The following LCN10 variants were observed in gnomAD, a reference collection of about 807,000 sequenced individuals.
The protein encoded by LCN10 is epididymal-specific lipocalin-10.
In LCN10, 18 loss-of-function variants were observed where a neutral mutation model predicts 25.1. That is an observed-to-expected ratio of 0.72 (90% CI 0.50 to 1.06). LCN10 has a LOEUF of 1.06. Among genes scored for constraint, LCN10 ranks in the 50% least tolerant of loss-of-function variants. The probability of loss-of-function intolerance (pLI) is 0.00; values close to 1 mark genes in which losing one functional copy is unlikely to be tolerated. For synonymous variants in LCN10, 130 were observed against 116.7 expected, an observed-to-expected ratio of 1.11 and a Z score of -0.73; for missense variants, 257 against 258.9, an observed-to-expected ratio of 0.99 and a Z score of 0.05.
In LCN10 at chr9:136,739,929, A is replaced by G; in HGVS notation, c.574+21T>C. ...CGGGCAGGTAGGGCCAGGAGGGCAA[A>G]GGGCTGAGGGCACAGCTTACCGTCT... On this transcript the variant is annotated intron_variant, in intron 5 of 5. Transcript: ENST00000497771. This position sits in a 1 kb window ranked among gnomAD's most constrained non-coding sequence, Gnocchi z 6.1. 1.3e-6 allele frequency: 2 copies of G among 1,561,304 alleles called. No individual in the cohort carries two copies. Among genetic ancestry groups the G allele is most frequent in the South Asian group, 1.2e-5 (1 of 84,998 alleles).
At position 136,740,769 on chromosome 9, in the gene LCN10, C is replaced by G; in HGVS notation, c.475+67G>C. 7.6e-7 allele frequency: 1 copy of G among 1,314,132 alleles called. No individual in the cohort carries two copies. Among genetic ancestry groups the G allele is most frequent in the Non-Finnish European group, 1.1e-6 (1 of 945,036 alleles). 81.4% of individuals were successfully genotyped at this position (1,314,132 alleles called of 1,614,324 possible). On this transcript the variant is annotated intron_variant, in intron 4 of 5. Transcript: ENST00000497771. This position sits in a 1 kb window ranked among gnomAD's most constrained non-coding sequence, Gnocchi z 5.3. ...CACCTCCTGCCCGGCCCCCTGTGCC[C>G]AGCGCCCCTCTATGCCTCCCTCTGC... is the stretch of plus-strand genomic sequence containing the variant.
chr9:136,738,475 C>T lies in LCN10; in HGVS notation c.*1050G>A, dbSNP rs984158665. Reference sequence around the variant, plus strand: ...TCGGGCCAGAAGGAGGGGCTGACCCCTTACCCCGTCATGGCTGAGGACTCG... The same window carrying T: ...TCGGGCCAGAAGGAGGGGCTGACCCTTTACCCCGTCATGGCTGAGGACTCG... On this transcript the variant is annotated 3_prime_UTR_variant, in exon 6 of 6. Transcript: ENST00000497771. The T allele has an allele frequency of 6.6e-6, 1 of 152,272 alleles. No individual in the cohort carries two copies. Among genetic ancestry groups the T allele is most frequent in the African/African-American group, 2.4e-5 (1 of 41,456 alleles). 9.4% of individuals were successfully genotyped at this position (152,272 alleles called of 1,614,324 possible). A position where few individuals can be genotyped will look rare whatever the true frequency, so the allele number is the denominator to read the frequency against.
chr9:136,741,496 C>T, intron 2 of LCN10, 135 bp from the exon 3 acceptor site: 1 of 672,494 alleles, frequency 1.5e-6, no homozygotes, highest in South Asian at 1.8e-5. Flanking sequence ...CCCCAGGTCC[C>T]CAGTTTTTTG....
rs1846912539 is a variant in LCN10, at chr9:136,740,710, C to G, written c.475+126G>C. ...TCGGCTTCCATTGCCCCTGCCCTGA[C>G]CACCGCCCCAACCCCCACTCTCCCT... On this transcript the variant is annotated intron_variant, in intron 4 of 5. Coordinates refer to ENST00000497771, the MANE Select transcript of LCN10 (RefSeq NM_001001712.3). This position sits in a 1 kb window ranked among gnomAD's most constrained non-coding sequence, Gnocchi z 5.3. 2 of 696,600 alleles carry G rather than the reference C, an allele frequency of 2.9e-6. No individual in the cohort carries two copies. Among genetic ancestry groups the G allele is most frequent in the Non-Finnish European group, 4.8e-6 (2 of 414,848 alleles). 43.2% of individuals were successfully genotyped at this position (696,600 alleles called of 1,614,324 possible). A position where few individuals can be genotyped will look rare whatever the true frequency, so the allele number is the denominator to read the frequency against.
Position 136,740,747 on chromosome 9 carries a change from C to CACCAGGG in LCN10, c.475+88_475+89insCCCTGGT. The CACCAGGG allele has an allele frequency of 2.0e-6, 2 of 1,003,562 alleles. No homozygotes were observed. The highest frequency in any genetic ancestry group is 2.6e-5 in the East Asian group (1 of 38,650). 62.2% of individuals were successfully genotyped at this position (1,003,562 alleles called of 1,614,324 possible). ...CCCCCACTCTCCCTGCCCGCCTCACCTCCTGCCCGGCCCCCTGTGCCCAGC... is the reference window on the plus strand; with the variant it reads ...CCCCCACTCTCCCTGCCCGCCTCACCACCAGGGTCCTGCCCGGCCCCCTGTGCCCAGC... On this transcript the variant is annotated intron_variant, in intron 4 of 5. Coordinates refer to ENST00000497771, the MANE Select transcript of LCN10 (RefSeq NM_001001712.3). The surrounding 1 kb of genome is among the most constrained non-coding windows in gnomAD (Gnocchi z 5.3).
In LCN10 at chr9:136,742,874, C is replaced by T. The variant is rs762920275; in HGVS notation, c.30G>A (p.Leu10=). 8.1e-6 allele frequency: 13 copies of T among 1,613,540 alleles called. No homozygotes were observed. In the South Asian group the frequency reaches 1.2e-4, roughly 15 times the overall value. The stretch of plus-strand genomic sequence containing the variant: ...CCAGCACTAGCACCAGCACCAGCAC[C>T]AGCGCCAGCACCAGCAGCCCCTGCC... MRQGLLVLA[L]VLVLVLVLAA... Residue 10 remains leucine, a synonymous_variant, in exon 1 of 6, where the codon CTG becomes CTA. Transcript: ENST00000497771.
In LCN10 at chr9:136,739,973, G is replaced by C; in HGVS notation, c.551C>G (p.Ala184Gly). ...ACCGTCTTTCGGGAGGATGACGGCGGCCTTGGAGAGCCCCAGAATGTCACA... is the reference window on the plus strand; with the variant it reads ...ACCGTCTTTCGGGAGGATGACGGCGCCCTTGGAGAGCCCCAGAATGTCACA... ...DACDILGLSK[A>G]AVILPKDASR... The change falls in exon 5 of 6, where the codon GCC becomes GGC. Residue 184 changes from alanine to glycine, a missense_variant. By Grantham distance (60) the Ala-to-Gly change is moderately conservative. Transcript: ENST00000497771. This position sits in a 1 kb window ranked among gnomAD's most constrained non-coding sequence, Gnocchi z 6.1. The C allele has an allele frequency of 6.3e-7, 1 of 1,591,502 alleles. No individual in the cohort carries two copies. The highest frequency in any genetic ancestry group is 8.6e-7 in the Non-Finnish European group (1 of 1,168,936).
Position 136,739,120 on chromosome 9 carries a change from G to C in LCN10, c.*405C>G, listed in dbSNP as rs1199301255. ...CGTCATGGGGGCTCCTCCATGTTGGGTGGATATGCGAACGGCTTCCTGAGA... is the reference window on the plus strand; with the variant it reads ...CGTCATGGGGGCTCCTCCATGTTGGCTGGATATGCGAACGGCTTCCTGAGA... On this transcript the variant is annotated 3_prime_UTR_variant, in exon 6 of 6. Transcript: ENST00000497771. The surrounding 1 kb of genome is among the most constrained non-coding windows in gnomAD (Gnocchi z 6.1). 4.3e-6 allele frequency: 1 copy of C among 231,932 alleles called. No homozygotes were observed. The highest frequency in any genetic ancestry group is 2.3e-5 in the African/African-American group (1 of 43,862). 14.4% of individuals were successfully genotyped at this position (231,932 alleles called of 1,614,324 possible).
chr9:136,742,118 T>G, intron 1 of LCN10, 98 bp from the exon 2 acceptor site: 5 of 1,469,454 alleles, frequency 3.4e-6, no homozygotes, highest in East Asian at 2.4e-5. Flanking sequence ...CAAATGACCC[T>G]TCTGTGAGCC....
chr9:136,738,790 CA>C lies in LCN10; in HGVS notation c.*734del, dbSNP rs1846872198. On this transcript the variant is annotated 3_prime_UTR_variant, in exon 6 of 6. Coordinates refer to ENST00000497771, the MANE Select transcript of LCN10 (RefSeq NM_001001712.3). ...GGATGCACCCCTGCTCCTCCAGCCC[CA>C]CCCAAACTGACTTAACACCCACCAC... 1 of 152,336 alleles carries C rather than the reference CA, an allele frequency of 6.6e-6. No homozygotes were observed. Among genetic ancestry groups the C allele is most frequent in the African/African-American group, 2.4e-5 (1 of 41,444 alleles). The allele number at this position is 152,336 out of a possible 1,614,324, so 9.4% of individuals were successfully genotyped here.
Position 136,739,595 on chromosome 9 carries a change from G to C in LCN10, c.575-42C>G, listed in dbSNP as rs1052353689. Reference sequence around the variant, plus strand: ...CAGCCACATGTGGGCTGGCTGCTTGGAGGAGACACATGAGCCGTGAACACG... The same window carrying C: ...CAGCCACATGTGGGCTGGCTGCTTGCAGGAGACACATGAGCCGTGAACACG... On this transcript the variant is annotated intron_variant, in intron 5 of 5. Coordinates refer to ENST00000497771, the MANE Select transcript of LCN10 (RefSeq NM_001001712.3). The surrounding 1 kb of genome is among the most constrained non-coding windows in gnomAD (Gnocchi z 6.1). 1.3e-6 allele frequency: 2 copies of C among 1,577,612 alleles called. No homozygotes were observed. Among genetic ancestry groups the C allele is most frequent in the African/African-American group, 2.7e-5 (2 of 74,142 alleles).
chr9:136,742,625 G>T, intron 1 of LCN10, 162 bp downstream of exon 1: 1 of 878,236 alleles, frequency 1.1e-6, no homozygotes, highest in Non-Finnish European at 1.7e-6. Flanking sequence ...AACTTGCGGG[G>T]CCCCTGTGCT....
chr9:136,742,412 C>T, intron 1 of LCN10: 1 of 407,928 alleles, frequency 2.5e-6, no homozygotes, highest in Middle Eastern at 6.9e-4. Context: ...CACCGCCGTG[C>T]CAATGAGTGC....
At position 136,739,600 on chromosome 9, in the gene LCN10, G is replaced by A. The variant is rs771143479; in HGVS notation, c.575-47C>T. 5 of 1,567,752 alleles carry A rather than the reference G, an allele frequency of 3.2e-6. No homozygotes were observed. The South Asian group carries it at 3.5e-5, about 11-fold the overall frequency. On this transcript the variant is annotated intron_variant, in intron 5 of 5. Transcript: ENST00000497771. This position sits in a 1 kb window ranked among gnomAD's most constrained non-coding sequence, Gnocchi z 6.1. ...ACATGTGGGCTGGCTGCTTGGAGGA[G>A]ACACATGAGCCGTGAACACGTCTCC...
chr9:136,741,124 G>T, intron 3 of LCN10, 128 bp downstream of exon 3: 1 of 1,022,522 alleles, frequency 9.8e-7, no homozygotes, highest in Non-Finnish European at 1.5e-6. Context: ...ATGACGTGTG[G>T]GCTCTGGGAA....
chr9:136,741,986 G>A lies in LCN10; in HGVS notation c.152C>T (p.Thr51Ile), dbSNP rs1846946756. The change falls in exon 2 of 6, where the codon ACT (threonine) becomes ATT (isoleucine). Residue 51 changes from threonine to isoleucine, a missense_variant. Coordinates refer to ENST00000497771, the MANE Select transcript of LCN10 (RefSeq NM_001001712.3). Reference protein sequence around the residue: ...SGFWYILATATDAQGFLPARD... With the variant: ...SGFWYILATAIDAQGFLPARD... Reference sequence around the variant, plus strand: ...GGCCGGCAAGAATCCCTGGGCATCAGTGGCAGTGGCCAGAATGTACCAGAA... The same window carrying A: ...GGCCGGCAAGAATCCCTGGGCATCAATGGCAGTGGCCAGAATGTACCAGAA... 6.2e-7 allele frequency: 1 copy of A among 1,613,002 alleles called. No individual in the cohort carries two copies. Among genetic ancestry groups the A allele is most frequent in the Non-Finnish European group, 8.5e-7 (1 of 1,179,726 alleles).
rs535928079 is a variant in LCN10 at position 136,739,166 on chromosome 9, C to T, written c.*359G>A. 28 of 279,436 alleles carry T rather than the reference C, an allele frequency of 1.0e-4. No individual in the cohort carries two copies. The highest frequency in any genetic ancestry group is 1.4e-4 in the Admixed American group (3 of 21,620). The allele number at this position is 279,436 out of a possible 1,614,324, so 17.3% of individuals were successfully genotyped here. ...TGAGAAAGTGCAGGATGTAAAGGAA[C>T]GCGGAGGGTGGCGGCGGCGTGGAGG... On this transcript the variant is annotated 3_prime_UTR_variant, in exon 6 of 6. Transcript: ENST00000497771. This position sits in a 1 kb window ranked among gnomAD's most constrained non-coding sequence, Gnocchi z 6.1.
At chr9:136,742,756 C>A (rs546529777) in intron 1 of LCN10, 31 bp downstream of exon 1, 3 of 1,610,854 alleles carry the variant, frequency 1.9e-6, no homozygotes, top group Admixed American at 1.7e-5. Context: ...GAGCCGGCGC[C>A]CGGCTCAGGG....
intron 2 of LCN10, 124 bp downstream of exon 2, chr9:136,741,757 G>C: frequency 1.5e-6 from 2 of 1,315,018 alleles, no homozygotes; most frequent in Non-Finnish European, 2.0e-6. Context: ...GGGGGAGGAA[G>C]TGGGGGGACG....
Sources: gnomAD v4.1 joint callset for allele counts on GRCh38, gnomAD v4.1.1 for gene constraint, Gnocchi (gnomAD v3.1) non-coding constraint, MANE v1.5 for transcripts, NCBI Gene and HGNC (gene_info 2026-07-23, HGNC 2026-07-21) for gene names.